The following TSHZ3 variants were observed in gnomAD, a reference collection of about 807,000 sequenced individuals.
TSHZ3 encodes teashirt homolog 3.
Under a neutral mutation model 64.5 loss-of-function variants are expected in TSHZ3, and 10 were observed. The ratio of observed to expected loss-of-function variants is 0.16; its 90% confidence interval spans 0.10 to 0.26. The LOEUF (loss-of-function observed/expected upper bound fraction) is 0.26. TSHZ3 is among the 10% of genes least tolerant of loss of function. The probability of loss-of-function intolerance (pLI) is 1.00; values close to 1 mark genes in which losing one functional copy is unlikely to be tolerated. For synonymous variants in TSHZ3, 608 were observed against 593.1 expected (o/e 1.03, Z -0.36); for missense variants, 1,242 against 1,421.7 (o/e 0.87, Z 2.03).
At chr19:31,225,653 G>C (rs543442982) in intron 4 of TSHZ3, among the ~76,000 whole-genome samples, 1 of 152,078 alleles carries the variant, frequency 6.6e-6, no homozygotes, top group Non-Finnish European at 1.5e-5. Context: ...GGTGAAGTTC[G>C]CCCTTCTCCT....
intron 1 of TSHZ3, among the ~76,000 whole-genome samples, chr19:31,310,643 A>G (rs1295568905): frequency 6.6e-6 from 1 of 152,162 alleles, no homozygotes; most frequent in East Asian, 1.9e-4. Flanking sequence ...ATAAGTCACA[A>G]TGTGAAAGGA....
intron 1 of TSHZ3, among the ~76,000 whole-genome samples, chr19:31,337,720 A>AACACACACACAC (rs372251116): frequency 0.014 from 2,052 of 146,054 alleles, 30 homozygotes; most frequent in East Asian, 0.071. Flanking sequence ...TTTCAAAATA[A>AACACACACACAC]ACACACACAC....
At chr19:31,334,423 A>C (rs1289167226) in intron 1 of TSHZ3, among the ~76,000 whole-genome samples, 1 of 152,196 alleles carries the variant, frequency 6.6e-6, no homozygotes, top group Non-Finnish European at 1.5e-5. Context: ...GCTTTTTGTT[A>C]GGCAGATGAG....
chr19:31,244,883 A>G (rs749382751), intron 1 of TSHZ3, among the ~76,000 whole-genome samples: 2 of 152,224 alleles, frequency 1.3e-5, no homozygotes, highest in East Asian at 1.9e-4. Flanking sequence ...GGCTCAAGAC[A>G]TCTGCCCACC....
intron 5 of TSHZ3, among the ~76,000 whole-genome samples, chr19:31,167,363 CT>C (rs1974468967): frequency 6.6e-6 from 1 of 152,134 alleles, no homozygotes; most frequent in Non-Finnish European, 1.5e-5. Flanking sequence ...TTGAAGGGAC[CT>C]GGGAGAACAT....
chr19:31,163,919 A>C (rs1000122732), intron 5 of TSHZ3, among the ~76,000 whole-genome samples: 5 of 152,062 alleles, frequency 3.3e-5, no homozygotes, highest in Admixed American at 1.3e-4. Flanking sequence ...GCATTTTCTC[A>C]CTCAATTTGT....
chr19:31,224,047 A>T (rs1331404330), intron 4 of TSHZ3, among the ~76,000 whole-genome samples: 2 of 152,192 alleles, frequency 1.3e-5, no homozygotes. Context: ...AATGAAAGGC[A>T]TTCTTTGGCC....
intron 1 of TSHZ3, among the ~76,000 whole-genome samples, chr19:31,304,595 C>T (rs1599637285): frequency 6.6e-6 from 1 of 151,758 alleles, no homozygotes. Flanking sequence ...TTTTTAGCAC[C>T]GAGAGTTGGA....
intron 5 of TSHZ3, among the ~76,000 whole-genome samples, chr19:31,161,823 C>G (rs559599883): frequency 6.6e-6 from 1 of 152,332 alleles, no homozygotes; most frequent in African/African-American, 2.4e-5. Flanking sequence ...GTCTCTGTTA[C>G]AACTCAACTC....
At chr19:31,271,790 G>T (rs1189479624), downstream of TSHZ3, among the ~76,000 whole-genome samples, 1 of 152,154 alleles carries the variant, frequency 6.6e-6, no homozygotes, top group Non-Finnish European at 1.5e-5. Flanking sequence ...GAGAAAGAAG[G>T]CTCCTGTTTC....
chr19:31,215,795 C>G (rs1388411012), intron 4 of TSHZ3, among the ~76,000 whole-genome samples: 1 of 151,886 alleles, frequency 6.6e-6, no homozygotes, highest in African/African-American at 2.4e-5. Flanking sequence ...CACTTGAACC[C>G]GGGAGGCGGA....
intron 1 of TSHZ3, among the ~76,000 whole-genome samples, chr19:31,265,397 C>CAAAAAAAAAAAAAAAAAAAAAAAAAAAAA (rs11432951): frequency 8.8e-5 from 3 of 34,264 alleles, no homozygotes; most frequent in African/African-American, 1.2e-4. Flanking sequence ...AACTCTGTCT[C>CAAAAAAAAAAAAAAAAAAAAAAAAAAAAA]AAAAAAAAAA....
intron 1 of TSHZ3, among the ~76,000 whole-genome samples, chr19:31,318,162 G>C (rs1287623855): frequency 6.6e-6 from 1 of 152,014 alleles, no homozygotes; most frequent in East Asian, 1.9e-4. Flanking sequence ...TATTGAAAAG[G>C]CTTTCATTTT....
At chr19:31,193,057 T>A (rs1974935635) in intron 5 of TSHZ3, among the ~76,000 whole-genome samples, 1 of 152,138 alleles carries the variant, frequency 6.6e-6, no homozygotes, top group Non-Finnish European at 1.5e-5. Context: ...TTTTTCCCAG[T>A]GCCTGTGTGG....
Position 31,279,304 on chromosome 19 carries a change from C to T in TSHZ3, c.489G>A (p.Gly163=), listed in dbSNP as rs762908534. 79 of 1,613,646 alleles carry T rather than the reference C, an allele frequency of 4.9e-5. No homozygotes were observed. The Middle Eastern group carries it at 8.2e-4, about 17-fold the overall frequency. ...TGGCGCTCTGGTGCCAGTCGAAGCT[C>T]CCGCTGCCACAGCTGCTGCTGCTGC... ...SSSSSSSCGS[G]SFDWHQSAMA... The change falls in exon 2 of 2, where the codon GGG becomes GGA. Residue 163 remains glycine, a synonymous_variant. Coordinates refer to ENST00000240587, the MANE Select transcript of TSHZ3 (RefSeq NM_020856.4). This position sits in a 1 kb window ranked among gnomAD's most constrained non-coding sequence, Gnocchi z 6.4.
At chr19:31,255,840 G>T (rs961787264) in intron 1 of TSHZ3, among the ~76,000 whole-genome samples, 1 of 152,288 alleles carries the variant, frequency 6.6e-6, no homozygotes, top group African/African-American at 2.4e-5. Flanking sequence ...CCCTTACTCA[G>T]TGCCAATCCT....
intron 1 of TSHZ3, among the ~76,000 whole-genome samples, chr19:31,292,871 C>T (rs760215953): frequency 1.4e-5 from 2 of 148,004 alleles, no homozygotes; most frequent in South Asian, 2.2e-4. Context: ...TCTAGCCATC[C>T]CAAACCCATC....
chr19:31,226,482 C>A (rs2145171999), intron 4 of TSHZ3, among the ~76,000 whole-genome samples: 1 of 152,234 alleles, frequency 6.6e-6, no homozygotes, highest in East Asian at 1.9e-4. Flanking sequence ...TGCCTTTTGC[C>A]ATGATTGTGA....
At chr19:31,211,005 A>G (rs1195497475) in intron 4 of TSHZ3, among the ~76,000 whole-genome samples, 2 of 152,246 alleles carry the variant, frequency 1.3e-5, no homozygotes, top group African/African-American at 4.8e-5. Context: ...TCACAATTAC[A>G]TGAATTATAT....
Sources: gnomAD v4.1 joint callset for allele counts (sites outside exome capture counted in the v4.1 genomes callset) on GRCh38, gnomAD v4.1.1 for gene constraint, Gnocchi (gnomAD v3.1) non-coding constraint, MANE v1.5 for transcripts, NCBI Gene and HGNC (gene_info 2026-07-23, HGNC 2026-07-21) for gene names.